Variants in SMIM10L3 observed in about 807,000 individuals in gnomAD.
The protein encoded by SMIM10L3 is salivary gland specific protein SAGSIN1.
At chr7:6,336,320 C>T in the SMIM10L3 span, among the ~76,000 whole-genome samples, 2 of 151,942 alleles carry the variant, frequency 1.3e-5, no homozygotes, top group African/African-American at 4.8e-5. Context: ...TATACTCCAG[C>T]CTGCGCAATT....
the SMIM10L3 span, among the ~76,000 whole-genome samples, chr7:6,347,888 T>TATTATC: frequency 8.0e-4 from 66 of 82,360 alleles, no homozygotes; most frequent in African/African-American, 3.1e-3. Context: ...ACCCCTTTAT[T>TATTATC]ATTATTATTA....
At chr7:6,341,520 T>TA in the SMIM10L3 span, among the ~76,000 whole-genome samples, 5 of 148,304 alleles carry the variant, frequency 3.4e-5, no homozygotes, top group South Asian at 8.5e-4. Flanking sequence ...CTGCCTCTAC[T>TA]AAAAAAAAAT....
the SMIM10L3 span, chr7:6,338,794 T>C: frequency 1.3e-5 from 2 of 152,346 alleles, no homozygotes; most frequent in Admixed American, 6.6e-5. Context: ...GCTGTTGCTT[T>C]GTAAACTAAA....
At chr7:6,336,435 C>G in the SMIM10L3 span, among the ~76,000 whole-genome samples, 1 of 152,060 alleles carries the variant, frequency 6.6e-6, no homozygotes, top group East Asian at 1.9e-4. Flanking sequence ...AATCCCAACA[C>G]TTTGGGAGGC....
At chr7:6,343,423 T>C in the SMIM10L3 span, among the ~76,000 whole-genome samples, 2 of 132,966 alleles carry the variant, frequency 1.5e-5, no homozygotes, top group Admixed American at 7.7e-5. Flanking sequence ...TATATATATA[T>C]ATATATATAT....
the SMIM10L3 span, among the ~76,000 whole-genome samples, chr7:6,331,672 G>T: frequency 6.6e-6 from 1 of 150,782 alleles, no homozygotes; most frequent in Non-Finnish European, 1.5e-5. Flanking sequence ...GAGCCACCAC[G>T]CCCGGCCTAG....
the SMIM10L3 span, among the ~76,000 whole-genome samples, chr7:6,343,651 A>C: frequency 6.6e-6 from 1 of 151,940 alleles, no homozygotes; most frequent in Non-Finnish European, 1.5e-5. Flanking sequence ...CCAGGAGATT[A>C]AGGCTTGCTT....
the SMIM10L3 span, among the ~76,000 whole-genome samples, chr7:6,347,527 A>G: frequency 6.6e-6 from 1 of 151,932 alleles, no homozygotes; most frequent in Non-Finnish European, 1.5e-5. Flanking sequence ...GAAAAAAAAA[A>G]AAGAGATACC....
chr7:6,340,620 G>C, the SMIM10L3 span, among the ~76,000 whole-genome samples: 1 of 152,052 alleles, frequency 6.6e-6, no homozygotes, highest in Non-Finnish European at 1.5e-5. Flanking sequence ...AAAATTATGA[G>C]TGCTGGCTGG....
the SMIM10L3 span, among the ~76,000 whole-genome samples, chr7:6,331,738 CTTT>C: frequency 0.3 from 35,575 of 117,332 alleles, 5,830 homozygotes; most frequent in African/African-American, 0.54. Flanking sequence ...ATAATAGAGG[CTTT>C]TTTTTTTTTT....
At chr7:6,335,361 T>A in the SMIM10L3 span, among the ~76,000 whole-genome samples, 12 of 152,092 alleles carry the variant, frequency 7.9e-5, no homozygotes, top group East Asian at 2.3e-3. Context: ...TAGCTGTGAT[T>A]ACAAGCGCCC....
At chr7:6,331,952 G>A in the SMIM10L3 span, among the ~76,000 whole-genome samples, 3 of 151,480 alleles carry the variant, frequency 2.0e-5, no homozygotes, top group African/African-American at 7.3e-5. Context: ...CGCCATGTTG[G>A]CCAGGTGAAA....
chr7:6,338,478 T>TA, the SMIM10L3 span, among the ~76,000 whole-genome samples: 3 of 151,726 alleles, frequency 2.0e-5, no homozygotes, highest in Non-Finnish European at 4.4e-5. Flanking sequence ...TCAGGAAAAA[T>TA]AAAGTGTAGC....
chr7:6,341,026 C>A, the SMIM10L3 span, among the ~76,000 whole-genome samples: 1 of 148,930 alleles, frequency 6.7e-6, no homozygotes, highest in African/African-American at 2.5e-5. Flanking sequence ...AACCTACAGT[C>A]CCAGCTACTC....
the SMIM10L3 span, among the ~76,000 whole-genome samples, chr7:6,339,545 G>A: frequency 6.7e-5 from 10 of 150,014 alleles, no homozygotes; most frequent in Middle Eastern, 3.7e-3. Flanking sequence ...GTGCAGTGGA[G>A]CAATCTCAGC....
the SMIM10L3 span, chr7:6,348,955 G>C: frequency 5.3e-6 from 2 of 377,670 alleles, no homozygotes; most frequent in Non-Finnish European, 9.4e-6. Flanking sequence ...GTACCAGCCT[G>C]GCCGCGCAGC....
chr7:6,333,772 C>CTTT, the SMIM10L3 span, among the ~76,000 whole-genome samples: 723 of 125,066 alleles, frequency 5.8e-3, 8 homozygotes, highest in African/African-American at 0.02. Context: ...GAACAAGTGT[C>CTTT]TTTTTTTTTT....
chr7:6,332,629 C>T, the SMIM10L3 span, among the ~76,000 whole-genome samples: 1 of 151,946 alleles, frequency 6.6e-6, no homozygotes, highest in African/African-American at 2.4e-5. Flanking sequence ...GCCTGGGAGG[C>T]AGAGGTCACA....
chr7:6,332,551 C>G, the SMIM10L3 span, among the ~76,000 whole-genome samples: 1 of 152,128 alleles, frequency 6.6e-6, no homozygotes, highest in African/African-American at 2.4e-5. Flanking sequence ...GGCGTGGTGG[C>G]TCATGCTTAT....
Sources: allele counts gnomAD v4.1 joint callset (sites outside exome capture counted in the v4.1 genomes callset), GRCh38; gene constraint gnomAD v4.1.1; transcripts MANE v1.5; gene names NCBI Gene and HGNC (gene_info 2026-07-23, HGNC 2026-07-21).